FLRT2: variants seen among roughly 807,000 people sequenced by gnomAD.
The protein encoded by FLRT2 is fibronectin leucine rich transmembrane protein 2, also known as leucine-rich repeat transmembrane protein FLRT2.
Under a neutral mutation model 40.0 loss-of-function variants are expected in FLRT2, and 15 were observed. That is an observed-to-expected ratio of 0.38 (90% CI 0.25 to 0.58). FLRT2 has a LOEUF of 0.58. FLRT2 is among the 20% of genes least tolerant of loss of function. The probability of loss-of-function intolerance (pLI) is 0.71; values close to 1 mark genes in which losing one functional copy is unlikely to be tolerated. For synonymous variants in FLRT2, 380 were observed against 336.8 expected, an observed-to-expected ratio of 1.13 and a Z score of -1.41; for missense variants, 726 against 840.0, an observed-to-expected ratio of 0.86 and a Z score of 1.68.
intron 1 of FLRT2, among the ~76,000 whole-genome samples, chr14:85,617,059 G>A (rs1467122439): frequency 1.3e-4 from 11 of 87,522 alleles, no homozygotes; most frequent in East Asian, 3.2e-4. Context: ...AACAGTTGGC[G>A]ATTTTCCCAC....
intron 1 of FLRT2, among the ~76,000 whole-genome samples, chr14:85,541,311 A>G (rs1389895446): frequency 6.6e-6 from 1 of 152,178 alleles, no homozygotes; most frequent in Non-Finnish European, 1.5e-5. Context: ...GGCATAGAGT[A>G]AGATGGGACA....
At chr14:85,582,448 G>A (rs897174443) in intron 1 of FLRT2, among the ~76,000 whole-genome samples, 2 of 152,114 alleles carry the variant, frequency 1.3e-5, no homozygotes, top group African/African-American at 4.8e-5. Context: ...AGGCATTGTG[G>A]CAAAGTGGTC....
At chr14:85,606,000 G>A (rs905856842) in intron 1 of FLRT2, among the ~76,000 whole-genome samples, 1 of 151,794 alleles carries the variant, frequency 6.6e-6, no homozygotes, top group Non-Finnish European at 1.5e-5. Context: ...CCCCTCCCCC[G>A]CATATACCAG....
chr14:85,590,297 G>A (rs1891824974), intron 1 of FLRT2, among the ~76,000 whole-genome samples: 1 of 151,992 alleles, frequency 6.6e-6, no homozygotes, highest in African/African-American at 2.4e-5. Flanking sequence ...GACAGAGCCT[G>A]GGAATGCCCT....
intron 1 of FLRT2, among the ~76,000 whole-genome samples, chr14:85,571,116 TG>T: frequency 6.6e-6 from 1 of 152,152 alleles, no homozygotes; most frequent in African/African-American, 2.4e-5. Flanking sequence ...TCATCTGCTT[TG>T]CTCAAGACTG....
chr14:85,626,302 G>A lies in FLRT2; in HGVS notation c.*2805G>A, dbSNP rs185335784. 1.7e-4 allele frequency: 28 copies of A among 167,138 alleles called. No individual in the cohort carries two copies. The highest frequency in any genetic ancestry group is 6.5e-4 in the African/African-American group (27 of 41,548). 10.4% of individuals were successfully genotyped at this position (167,138 alleles called of 1,614,324 possible). A position where few individuals can be genotyped will look rare whatever the true frequency, so the allele number is the denominator to read the frequency against. On this transcript the variant is annotated 3_prime_UTR_variant, in exon 2 of 2. Transcript: ENST00000330753. ...GCTGATATATCTGCTCTGTGTTTGGGCCTCTCTTGCTGTCATTATGATGTA... is the reference window on the plus strand; with the variant it reads ...GCTGATATATCTGCTCTGTGTTTGGACCTCTCTTGCTGTCATTATGATGTA...
chr14:85,567,501 C>T lies in FLRT2; in HGVS notation c.-377+36967C>T, dbSNP rs1274638545. 2.0e-5 allele frequency among the ~76,000 whole-genome samples: 3 copies of T among 152,164 alleles called. No homozygotes were observed. In the East Asian group the frequency reaches 5.8e-4, roughly 29 times the overall value. On this transcript the variant is annotated intron_variant, in intron 1 of 1. Transcript: ENST00000330753. ...ACTTCTTCAGGAGCGTAAGTTTCTG[C>T]ATCACCCTGCCTCAGTATCTTTCTG... is the stretch of plus-strand genomic sequence containing the variant.
intron 1 of FLRT2, among the ~76,000 whole-genome samples, chr14:85,532,541 G>A (rs1888350440): frequency 6.6e-6 from 1 of 152,210 alleles, no homozygotes; most frequent in Admixed American, 6.5e-5. Flanking sequence ...TAGCTGTCAA[G>A]ACTGTTTCCT....
At chr14:85,597,385 A>G (rs1486104912) in intron 1 of FLRT2, among the ~76,000 whole-genome samples, 1 of 152,222 alleles carries the variant, frequency 6.6e-6, no homozygotes, top group Non-Finnish European at 1.5e-5. Flanking sequence ...ATGAGAAAAT[A>G]CATCCTATTA....
chr14:85,554,385 A>G (rs896179400), intron 1 of FLRT2, among the ~76,000 whole-genome samples: 4 of 152,198 alleles, frequency 2.6e-5, no homozygotes, highest in Non-Finnish European at 4.4e-5. Context: ...CTGATATATT[A>G]GTAAATCTGA....
chr14:85,556,697 T>G (rs1889981847), intron 1 of FLRT2, among the ~76,000 whole-genome samples: 1 of 152,242 alleles, frequency 6.6e-6, no homozygotes, highest in Admixed American at 6.5e-5. Context: ...ATAAAGTTCT[T>G]GAGGAATTAA....
At position 85,622,954 on chromosome 14, in the gene FLRT2, G is replaced by C. The variant is rs770976891; in HGVS notation, c.1440G>C (p.Leu480=). 4.2e-5 allele frequency: 68 copies of C among 1,614,072 alleles called. No individual in the cohort carries two copies. The highest frequency in any genetic ancestry group is 5.7e-5 in the Non-Finnish European group (67 of 1,180,036). Residue 480 remains leucine (L), a synonymous_variant, in exon 2 of 2, where the codon CTG becomes CTC. Transcript: ENST00000330753. ...GCGGTGAGAAGCAACACCTGAGCCT[G>C]GTTAACTTAGAGCCCCGATCCACCT... ...IVSGEKQHLS[L]VNLEPRSTYR...
intron 1 of FLRT2, among the ~76,000 whole-genome samples, chr14:85,615,500 C>G (rs1307505448): frequency 2.6e-5 from 4 of 152,124 alleles, no homozygotes; most frequent in Non-Finnish European, 5.9e-5. Flanking sequence ...TCCCTCTCTC[C>G]TTCTTTCTCC....
chr14:85,620,783 T>C (rs142569651), intron 1 of FLRT2, among the ~76,000 whole-genome samples: 10 of 152,308 alleles, frequency 6.6e-5, no homozygotes, highest in Non-Finnish European at 1.2e-4. Flanking sequence ...TTGTAGATAA[T>C]TATCATTAAC....
chr14:85,603,913 A>G (rs796850652), intron 1 of FLRT2, among the ~76,000 whole-genome samples: 5 of 152,276 alleles, frequency 3.3e-5, no homozygotes, highest in African/African-American at 9.6e-5. Flanking sequence ...AATTAAATGT[A>G]TGCATGTTTC....
chr14:85,551,774 C>A (rs898855931), intron 1 of FLRT2: 2 of 152,168 alleles, frequency 1.3e-5, no homozygotes, highest in African/African-American at 4.8e-5. Context: ...TGGTGAGAAA[C>A]TTGAAGGTGA....
At chr14:85,549,287 G>A (rs1388372308) in intron 1 of FLRT2, among the ~76,000 whole-genome samples, 2 of 152,046 alleles carry the variant, frequency 1.3e-5, no homozygotes, top group East Asian at 1.9e-4. Context: ...TGTAACACAG[G>A]GCCTCTGGGA....
At chr14:85,580,383 T>C (rs7155010) in intron 1 of FLRT2, among the ~76,000 whole-genome samples, 46,983 of 152,030 alleles carry the variant, frequency 0.31, 7,981 homozygotes, top group Middle Eastern at 0.4. Context: ...AATTTTGTTT[T>C]TCCTTTTTAA....
At position 85,622,159 on chromosome 14, in the gene FLRT2, C is replaced by T; in HGVS notation, c.645C>T (p.Leu215=). ...SLERLIVDGN[L]LTNKGIAEGT... Reference sequence around the variant, plus strand: ...AGCGTCTTATTGTGGACGGGAACCTCCTGACCAACAAGGGTATCGCCGAGG... The same window carrying T: ...AGCGTCTTATTGTGGACGGGAACCTTCTGACCAACAAGGGTATCGCCGAGG... Residue 215 remains leucine, a synonymous_variant, in exon 2 of 2, where the codon CTC becomes CTT. Transcript: ENST00000330753. 1 of 1,614,142 alleles carries T rather than the reference C, an allele frequency of 6.2e-7. No individual in the cohort carries two copies.
Sources: gnomAD v4.1 joint callset for allele counts (sites outside exome capture counted in the v4.1 genomes callset) on GRCh38, gnomAD v4.1.1 for gene constraint, MANE v1.5 for transcripts, NCBI Gene and HGNC (gene_info 2026-07-23, HGNC 2026-07-21) for gene names.